The following ANKRD13C variants were observed in gnomAD, a reference collection of about 807,000 sequenced individuals.
ANKRD13C encodes the protein ankyrin repeat domain 13C.
In ANKRD13C, 16 loss-of-function variants were observed where a neutral mutation model predicts 65.5. The ratio of observed to expected loss-of-function variants is 0.24; its 90% confidence interval spans 0.17 to 0.37. The LOEUF is 0.37. Ranked by LOEUF, ANKRD13C falls within the 10% of genes least tolerant of loss-of-function variation. The probability of loss-of-function intolerance (pLI) is 1.00; values close to 1 mark genes in which losing one functional copy is unlikely to be tolerated. For synonymous variants in ANKRD13C, 235 were observed against 238.7 expected (o/e 0.98, Z 0.14); for missense variants, 503 against 655.9 (o/e 0.77, Z 2.55).
chr1:70,285,314 T>G (rs1679571794), intron 9 of ANKRD13C, among the ~76,000 whole-genome samples: 1 of 146,978 alleles, frequency 6.8e-6, no homozygotes, highest in African/African-American at 2.5e-5. Flanking sequence ...TGCCTCAGCC[T>G]CCTGAGTAGC....
intron 2 of ANKRD13C, 145 bp from the exon 3 acceptor site, chr1:70,325,102 T>G: frequency 2.0e-6 from 1 of 510,938 alleles, no homozygotes; most frequent in Non-Finnish European, 3.2e-6. Flanking sequence ...TTTGAAAAAT[T>G]TCTATGTATC....
At chr1:70,278,552 A>AT (rs2101158065) in intron 9 of ANKRD13C, among the ~76,000 whole-genome samples, 1 of 152,252 alleles carries the variant, frequency 6.6e-6, no homozygotes, top group African/African-American at 2.4e-5. Context: ...AACCTCATAA[A>AT]TTAAAAAAAA....
chr1:70,272,187 G>T, intron 11 of ANKRD13C, among the ~76,000 whole-genome samples: 1 of 146,550 alleles, frequency 6.8e-6, no homozygotes, highest in East Asian at 2.0e-4. Context: ...TGAACTTTTA[G>T]AACAAATTAT....
At chr1:70,262,957 A>AAAAAAAAAAAAAAAAAAAAAC (rs1678450346) in intron 12 of ANKRD13C, 110 bp from the exon 13 acceptor site, 1 of 908,134 alleles carries the variant, frequency 1.1e-6, no homozygotes, top group South Asian at 2.1e-5. Flanking sequence ...AAAAAAAAAA[A>AAAAAAAAAAAAAAAAAAAAAC]AAATACTCAA....
intron 1 of ANKRD13C, among the ~76,000 whole-genome samples, chr1:70,352,916 T>A (rs1485701039): frequency 6.6e-6 from 1 of 152,160 alleles, no homozygotes; most frequent in African/African-American, 2.4e-5. Context: ...AAGAGAAATC[T>A]TACTCGTTTT....
chr1:70,303,237 C>A (rs991251415), intron 6 of ANKRD13C, among the ~76,000 whole-genome samples: 2 of 152,114 alleles, frequency 1.3e-5, no homozygotes, highest in Non-Finnish European at 2.9e-5. Context: ...ATCACATATG[C>A]CTCAGTAAAT....
intron 11 of ANKRD13C, among the ~76,000 whole-genome samples, chr1:70,272,464 C>T: frequency 6.6e-6 from 1 of 152,118 alleles, no homozygotes; most frequent in South Asian, 2.1e-4. Context: ...AGGTGATCCA[C>T]CCGCCTCAGC....
intron 7 of ANKRD13C, 134 bp from the exon 8 acceptor site, chr1:70,296,395 G>T: frequency 1.2e-6 from 1 of 848,418 alleles, no homozygotes; most frequent in Non-Finnish European, 1.8e-6. Context: ...ATAATGTGAA[G>T]TGTTACTTAC....
chr1:70,329,186 A>G (rs1282879915), intron 2 of ANKRD13C, among the ~76,000 whole-genome samples: 1 of 152,220 alleles, frequency 6.6e-6, no homozygotes, highest in Non-Finnish European at 1.5e-5. Context: ...TATGTATTGT[A>G]TGATTTCAAC....
chr1:70,322,452 A>C (rs183752821), intron 3 of ANKRD13C, among the ~76,000 whole-genome samples: 2 of 152,296 alleles, frequency 1.3e-5, no homozygotes, highest in Admixed American at 6.5e-5. Context: ...ATTATTTAGA[A>C]TGGCTAAGGT....
At chr1:70,300,126 T>A (rs1680282557) in intron 7 of ANKRD13C, among the ~76,000 whole-genome samples, 1 of 151,950 alleles carries the variant, frequency 6.6e-6, no homozygotes, top group African/African-American at 2.4e-5. Flanking sequence ...TAAAAGAAGG[T>A]AAGATAAAAA....
At chr1:70,279,820 T>C (rs1056934044) in intron 9 of ANKRD13C, among the ~76,000 whole-genome samples, 1 of 152,146 alleles carries the variant, frequency 6.6e-6, no homozygotes, top group Non-Finnish European at 1.5e-5. Flanking sequence ...TACTTTTCCT[T>C]GGGGTTTCTT....
At position 70,353,933 on chromosome 1, in the gene ANKRD13C, T is replaced by C. The variant is rs762011028; in HGVS notation, c.430+46A>G. On this transcript the variant is annotated intron_variant, in intron 1 of 12. Coordinates refer to ENST00000370944, the MANE Select transcript of ANKRD13C (RefSeq NM_030816.5). The stretch of plus-strand genomic sequence containing the variant: ...TCCAGAAGCCTGGGGAGGCACACCC[T>C]AGGCTCGGGGAAGGAGAGAGGTGGA... 7 of 1,471,916 alleles carry C rather than the reference T, an allele frequency of 4.8e-6. No homozygotes were observed. The South Asian group carries it at 1.0e-4, about 22-fold the overall frequency. 91.2% of individuals were successfully genotyped at this position (1,471,916 alleles called of 1,614,324 possible). A position where few individuals can be genotyped will look rare whatever the true frequency, so the allele number is the denominator to read the frequency against.
chr1:70,298,717 T>C (rs1030783071), intron 7 of ANKRD13C, among the ~76,000 whole-genome samples: 3 of 152,202 alleles, frequency 2.0e-5, no homozygotes, highest in African/African-American at 7.2e-5. Context: ...TTAATAAATA[T>C]CTGAGAGGCT....
At chr1:70,274,497 G>A (rs796494285) in intron 11 of ANKRD13C, among the ~76,000 whole-genome samples, 1,225 of 118,506 alleles carry the variant, frequency 0.01, 5 homozygotes, top group South Asian at 0.025. Flanking sequence ...AAAAAAAAAA[G>A]AAAGAAAGAA....
intron 11 of ANKRD13C, among the ~76,000 whole-genome samples, chr1:70,271,679 G>C (rs950422715): frequency 6.6e-6 from 1 of 152,110 alleles, no homozygotes; most frequent in Non-Finnish European, 1.5e-5. Flanking sequence ...GATGCCTTTG[G>C]ATTTATCAAC....
At chr1:70,265,869 AGAAG>A (rs148005087) in intron 12 of ANKRD13C, among the ~76,000 whole-genome samples, 1,937 of 146,868 alleles carry the variant, frequency 0.013, 59 homozygotes, top group African/African-American at 0.047. Context: ...AAAGAAAAGA[AGAAG>A]GAAGGAAGGA....
intron 1 of ANKRD13C, among the ~76,000 whole-genome samples, chr1:70,344,522 C>A (rs887551409): frequency 1.3e-5 from 2 of 151,872 alleles, no homozygotes; most frequent in African/African-American, 4.8e-5. Flanking sequence ...TAATGGGTAT[C>A]TATTAAATGT....
intron 1 of ANKRD13C, among the ~76,000 whole-genome samples, chr1:70,340,108 C>T (rs897761245): frequency 3.3e-5 from 5 of 151,976 alleles, no homozygotes; most frequent in Admixed American, 6.6e-5. Flanking sequence ...CCTTGCCCTT[C>T]CAAAATATTG....
Sources: allele counts gnomAD v4.1 joint callset (sites outside exome capture counted in the v4.1 genomes callset), GRCh38; gene constraint gnomAD v4.1.1; transcripts MANE v1.5; gene names NCBI Gene and HGNC (gene_info 2026-07-23, HGNC 2026-07-21).